The following PGM1 variants were observed in gnomAD, a reference collection of about 807,000 sequenced individuals.
PGM1 encodes the protein phosphoglucomutase 1.
Under a neutral mutation model 55.6 loss-of-function variants are expected in PGM1, and 52 were observed. That is an observed-to-expected ratio of 0.94 (90% CI 0.75 to 1.18). The LOEUF is 1.18. Among genes scored for constraint, PGM1 ranks in the 50% most tolerant of loss-of-function variants. The pLI is 0.00. For synonymous variants in PGM1, 287 were observed against 271.7 expected, an observed-to-expected ratio of 1.06 and a Z score of -0.55; for missense variants, 724 against 729.3, an observed-to-expected ratio of 0.99 and a Z score of 0.08.
chr1:63,605,688 C>T (rs893748949), intron 1 of PGM1, among the ~76,000 whole-genome samples: 1 of 152,080 alleles, frequency 6.6e-6, no homozygotes, highest in African/African-American at 2.4e-5. Flanking sequence ...GTGATCCTCC[C>T]ACCTGAGCCT....
rs1416487412 is a variant in PGM1 at position 63,611,432 on chromosome 1, CG to C, written c.246+17699del. Among the ~76,000 whole-genome samples the C allele has an allele frequency of 4.6e-5, 7 of 152,216 alleles. No homozygotes were observed. In the East Asian group the frequency reaches 9.7e-4, roughly 21 times the overall value. ...CATTGCAGGAAGGGAAGAGGGAGGC[CG>C]CCGGTGACTCAGCTGCCTTAACCCC... On this transcript the variant is annotated intron_variant, in intron 1 of 10. Coordinates refer to ENST00000371084, the MANE Select transcript of PGM1 (RefSeq NM_002633.3).
At chr1:63,651,987 C>A in intron 9 of PGM1, 135 bp downstream of exon 9, 1 of 818,700 alleles carries the variant, frequency 1.2e-6, no homozygotes, top group Non-Finnish European at 2.0e-6. Context: ...CTGTTCTTAC[C>A]TGGTTTTCTG....
rs115080103 is a variant in PGM1, at chr1:63,648,219, G to A, written c.1145-298G>A. ...CCATGGCTGGGAGGCCTCAGGAAAT[G>A]TACAATCATGGCAGAACAATGAAGA... On this transcript the variant is annotated intron_variant, in intron 7 of 10. Coordinates refer to ENST00000371084, the MANE Select transcript of PGM1 (RefSeq NM_002633.3). Among the ~76,000 whole-genome samples the A allele has an allele frequency of 0.019, 2,878 of 152,256 alleles. 78 individuals carry two copies. The highest frequency in any genetic ancestry group is 0.066 in the African/African-American group (2,737 of 41,538).
chr1:63,599,187 C>T (rs573168506), intron 1 of PGM1, among the ~76,000 whole-genome samples: 115 of 151,604 alleles, frequency 7.6e-4, no homozygotes, highest in African/African-American at 2.7e-3. Context: ...TTTTTTGAGA[C>T]ACTGTCTTGC....
chr1:63,625,016 GA>G (rs1367511306), intron 1 of PGM1, among the ~76,000 whole-genome samples: 1 of 152,192 alleles, frequency 6.6e-6, no homozygotes, highest in East Asian at 1.9e-4. Context: ...TCTTTGAGGA[GA>G]GCTGCAAAGG....
chr1:63,603,941 A>G (rs855315), intron 1 of PGM1, among the ~76,000 whole-genome samples: 51,823 of 152,030 alleles, frequency 0.34, 8,993 homozygotes, highest in East Asian at 0.48. Context: ...TGTGCAAGAT[A>G]AATACTTGTA....
At chr1:63,610,319 C>T (rs1011350685) in intron 1 of PGM1, among the ~76,000 whole-genome samples, 1 of 152,114 alleles carries the variant, frequency 6.6e-6, no homozygotes, top group Non-Finnish European at 1.5e-5. Context: ...CAAATCTCTA[C>T]ACACAGTTTC....
chr1:63,624,124 G>T (rs570547724), intron 1 of PGM1, among the ~76,000 whole-genome samples: 41 of 152,308 alleles, frequency 2.7e-4, no homozygotes, highest in Admixed American at 2.4e-3. Context: ...CTACTGAATG[G>T]TGGAGAGAAG....
chr1:63,618,303 A>G (rs774440439), intron 1 of PGM1, among the ~76,000 whole-genome samples: 22 of 152,206 alleles, frequency 1.4e-4, no homozygotes, highest in Middle Eastern at 3.2e-3. Context: ...TTAAACTTAT[A>G]AATATAATAC....
chr1:63,613,303 G>C, intron 1 of PGM1, among the ~76,000 whole-genome samples: 1 of 137,112 alleles, frequency 7.3e-6, no homozygotes. Context: ...AGTTTCCTAG[G>C]GCTGCTATCT....
chr1:63,610,151 C>G (rs894864512), intron 1 of PGM1, among the ~76,000 whole-genome samples: 1 of 152,092 alleles, frequency 6.6e-6, no homozygotes, highest in African/African-American at 2.4e-5. Context: ...TATGCTATAT[C>G]AGAGAATTTT....
In PGM1 at chr1:63,618,702, G is replaced by A. The variant is rs1461158289; in HGVS notation, c.247-10723G>A. 2.6e-5 allele frequency among the ~76,000 whole-genome samples: 4 copies of A among 152,070 alleles called. No individual in the cohort carries two copies. The South Asian group carries it at 6.2e-4, about 24-fold the overall frequency. On this transcript the variant is annotated intron_variant, in intron 1 of 10. Transcript: ENST00000371084. The stretch of plus-strand genomic sequence containing the variant: ...GGGTTACCTTTCCAGTTGAATTGGG[G>A]TGACACCAGCTGGGTGAGGTGTGGC...
chr1:63,622,097 T>C (rs1221821397), intron 1 of PGM1, among the ~76,000 whole-genome samples: 1 of 152,210 alleles, frequency 6.6e-6, no homozygotes, highest in Non-Finnish European at 1.5e-5. Flanking sequence ...CGATCTTAGC[T>C]CACTGCAATC....
At chr1:63,597,482 T>G (rs935156630) in intron 1 of PGM1, among the ~76,000 whole-genome samples, 2 of 152,176 alleles carry the variant, frequency 1.3e-5, no homozygotes, top group African/African-American at 4.8e-5. Context: ...TAGGACACAA[T>G]CCAACGTGAT....
Position 63,632,380 on chromosome 1 carries a change from T to C in PGM1, c.682+598T>C, listed in dbSNP as rs144152393. 1.1e-4 allele frequency among the ~76,000 whole-genome samples: 16 copies of C among 152,286 alleles called. No homozygotes were observed. The East Asian group carries it at 2.7e-3, about 26-fold the overall frequency. On this transcript the variant is annotated intron_variant, in intron 4 of 10. Transcript: ENST00000371084. ...TGAGAATCCCTGAAACCTATACACA[T>C]ACATCTGCCTGGTTGGAGAAGCCTT... is the stretch of plus-strand genomic sequence containing the variant.
chr1:63,627,283 G>A (rs1040509504), intron 1 of PGM1, among the ~76,000 whole-genome samples: 1 of 152,048 alleles, frequency 6.6e-6, no homozygotes, highest in African/African-American at 2.4e-5. Context: ...GGAGGGTTTT[G>A]GAGTCAGAAA....
chr1:63,636,095 C>A, intron 5 of PGM1, 139 bp from the exon 6 acceptor site: 1 of 842,258 alleles, frequency 1.2e-6, no homozygotes, highest in South Asian at 1.5e-5. Flanking sequence ...AAATAAAACC[C>A]AGTGTTAAAA....
chr1:63,658,345 GT>G lies in PGM1; in HGVS notation c.1600-1226del, dbSNP rs34300625. On this transcript the variant is annotated intron_variant, in intron 10 of 10. Coordinates refer to ENST00000371084, the MANE Select transcript of PGM1 (RefSeq NM_002633.3). ...AATGGGCAGTTCAACCAGATTAGTAGTTTTTTTTTTTTTTTAATATTGAAAG... is the reference window on the plus strand; with the variant it reads ...AATGGGCAGTTCAACCAGATTAGTAGTTTTTTTTTTTTTTAATATTGAAAG... Among the ~76,000 whole-genome samples, 284 of 136,560 alleles carry G rather than the reference GT, an allele frequency of 2.1e-3. 1 individual carries two copies. Among genetic ancestry groups the G allele is most frequent in the African/African-American group, 3.1e-3 (117 of 37,826 alleles). The allele number at this position is 136,560 out of a possible 152,430, so 89.6% of individuals were successfully genotyped here.
At chr1:63,619,162 G>A (rs1315617675) in intron 1 of PGM1, among the ~76,000 whole-genome samples, 1 of 152,204 alleles carries the variant, frequency 6.6e-6, no homozygotes, top group East Asian at 1.9e-4. Context: ...GAAAACATGA[G>A]TGGTCCAGCT....
Sources: allele counts gnomAD v4.1 joint callset (sites outside exome capture counted in the v4.1 genomes callset), GRCh38; gene constraint gnomAD v4.1.1; transcripts MANE v1.5; gene names NCBI Gene and HGNC (gene_info 2026-07-23, HGNC 2026-07-21).